GBE1: variants seen among roughly 807,000 people sequenced by gnomAD.
GBE1 encodes the protein 1,4-alpha-glucan-branching enzyme.
A neutral mutation model predicts 88.8 loss-of-function variants in GBE1; 70 were observed. The observed-to-expected ratio is 0.79, with a 90% CI of 0.65 to 0.96. The LOEUF (loss-of-function observed/expected upper bound fraction) is 0.96, where lower values mean the gene tolerates loss of function less well. Ranked by LOEUF, GBE1 falls within the 40% of genes least tolerant of loss-of-function variation. The pLI, the probability that GBE1 is intolerant of heterozygous loss-of-function variation, is 0.00. For synonymous variants in GBE1, 284 were observed against 300.1 expected, an observed-to-expected ratio of 0.95 and a Z score of 0.56; for missense variants, 872 against 871.0, an observed-to-expected ratio of 1.00 and a Z score of -0.01.
intron 1 of GBE1, among the ~76,000 whole-genome samples, chr3:81,752,399 C>T (rs940024284): frequency 2.0e-5 from 3 of 152,144 alleles, no homozygotes; most frequent in Non-Finnish European, 4.4e-5. Flanking sequence ...GACCATTCCT[C>T]TAACCATCTA....
intron 7 of GBE1, among the ~76,000 whole-genome samples, chr3:81,599,142 T>G (rs1175318685): frequency 6.6e-6 from 1 of 152,204 alleles, no homozygotes; most frequent in Admixed American, 6.5e-5. Flanking sequence ...TAAGGCTAAA[T>G]GATTCCAATT....
intron 1 of GBE1, among the ~76,000 whole-genome samples, chr3:81,714,367 GAAT>G (rs1485176869): frequency 6.6e-6 from 1 of 152,006 alleles, no homozygotes; most frequent in East Asian, 1.9e-4. Flanking sequence ...TCTGAAATAA[GAAT>G]AATAATGGAA....
At chr3:81,588,829 T>G (rs537682137) in intron 9 of GBE1, among the ~76,000 whole-genome samples, 1 of 152,282 alleles carries the variant, frequency 6.6e-6, no homozygotes, top group South Asian at 2.1e-4. Context: ...AAAGCCTTCT[T>G]CTACGGCAAT....
At chr3:81,584,612 G>T (rs1703775463) in intron 10 of GBE1, among the ~76,000 whole-genome samples, 1 of 151,690 alleles carries the variant, frequency 6.6e-6, no homozygotes, top group Non-Finnish European at 1.5e-5. Context: ...TCTAAAACAG[G>T]ATGGTCATAT....
At chr3:81,593,653 T>C (rs1703912888) in intron 8 of GBE1, among the ~76,000 whole-genome samples, 1 of 152,038 alleles carries the variant, frequency 6.6e-6, no homozygotes, top group South Asian at 2.1e-4. Context: ...CCTGAGAGTG[T>C]TACAATAAAT....
At chr3:81,691,028 C>G (rs377510212) in intron 2 of GBE1, among the ~76,000 whole-genome samples, 1 of 151,900 alleles carries the variant, frequency 6.6e-6, no homozygotes, top group African/African-American at 2.4e-5. Flanking sequence ...GCACTGTACA[C>G]AGGAAGCTCT....
At chr3:81,525,106 A>AT (rs1243119619) in intron 14 of GBE1, among the ~76,000 whole-genome samples, 2 of 151,796 alleles carry the variant, frequency 1.3e-5, no homozygotes, top group East Asian at 3.9e-4. Flanking sequence ...GTTTTATTCC[A>AT]TTTTGGTCAG....
intron 1 of GBE1, among the ~76,000 whole-genome samples, chr3:81,751,990 A>G (rs1207027807): frequency 6.6e-6 from 1 of 152,206 alleles, no homozygotes; most frequent in African/African-American, 2.4e-5. Context: ...AACTTTATGC[A>G]AGAAATACAT....
intron 14 of GBE1, chr3:81,509,735 C>T (rs1230602193): frequency 6.6e-6 from 1 of 151,824 alleles, no homozygotes; most frequent in East Asian, 1.9e-4. Flanking sequence ...CTTTGGTCAT[C>T]AAAGACCAAA....
intron 2 of GBE1, among the ~76,000 whole-genome samples, chr3:81,672,571 G>A (rs1417854352): frequency 6.6e-6 from 1 of 151,906 alleles, no homozygotes; most frequent in African/African-American, 2.4e-5. Context: ...TGATACATAG[G>A]TATGTAGTAA....
chr3:81,559,921 G>A (rs1703395563), intron 12 of GBE1, among the ~76,000 whole-genome samples: 1 of 151,916 alleles, frequency 6.6e-6, no homozygotes, highest in South Asian at 2.1e-4. Flanking sequence ...TATTCTACTA[G>A]TATCTATTTG....
At chr3:81,555,117 T>C (rs1280391502) in intron 12 of GBE1, among the ~76,000 whole-genome samples, 1 of 152,208 alleles carries the variant, frequency 6.6e-6, no homozygotes, top group East Asian at 1.9e-4. Flanking sequence ...TTCTCAGTGT[T>C]TGTACTTGCT....
chr3:81,532,305 G>T (rs935312631), intron 14 of GBE1, among the ~76,000 whole-genome samples: 1 of 151,824 alleles, frequency 6.6e-6, no homozygotes, highest in Non-Finnish European at 1.5e-5. Flanking sequence ...CATCTTGCAC[G>T]AATTTATATT....
chr3:81,516,494 T>G (rs1702800680), intron 14 of GBE1, among the ~76,000 whole-genome samples: 1 of 151,484 alleles, frequency 6.6e-6, no homozygotes, highest in Non-Finnish European at 1.5e-5. Flanking sequence ...TACAAGGAAA[T>G]TAATGTTGTT....
At chr3:81,649,972 T>G in intron 3 of GBE1, 51 bp from the exon 4 acceptor site, 1 of 1,457,870 alleles carries the variant, frequency 6.9e-7, no homozygotes, top group Non-Finnish European at 9.5e-7. Context: ...AGAACTCTGA[T>G]AATACATAAT....
chr3:81,699,116 T>C (rs926867365), intron 2 of GBE1, among the ~76,000 whole-genome samples: 2 of 152,130 alleles, frequency 1.3e-5, no homozygotes, highest in African/African-American at 4.8e-5. Flanking sequence ...GTTTCTAGAA[T>C]CCCAAGGCTG....
chr3:81,730,995 G>A (rs1706177701), intron 1 of GBE1, among the ~76,000 whole-genome samples: 1 of 152,148 alleles, frequency 6.6e-6, no homozygotes, highest in South Asian at 2.1e-4. Flanking sequence ...TAGCTGATGG[G>A]ACTTTGTGGA....
At chr3:81,611,888 C>T (rs989983618) in intron 7 of GBE1, among the ~76,000 whole-genome samples, 3 of 152,064 alleles carry the variant, frequency 2.0e-5, no homozygotes, top group Admixed American at 2.0e-4. Context: ...AATATCCAAA[C>T]ACAAGCAACG....
chr3:81,592,474 C>A (rs775923141), intron 8 of GBE1, among the ~76,000 whole-genome samples: 2 of 152,016 alleles, frequency 1.3e-5, no homozygotes, highest in Non-Finnish European at 2.9e-5. Flanking sequence ...CCCTTTATTA[C>A]TGAGTTTATA....
Sources: gnomAD v4.1 joint callset for allele counts (sites outside exome capture counted in the v4.1 genomes callset) on GRCh38, gnomAD v4.1.1 for gene constraint, MANE v1.5 for transcripts, NCBI Gene and HGNC (gene_info 2026-07-23, HGNC 2026-07-21) for gene names.